Variants in ZNG1B observed in about 807,000 individuals in gnomAD.
The protein encoded by ZNG1B is Zn regulated GTPase metalloprotein activator 1B.
chr2:113,438,782 G>A, the ZNG1B span, among the ~76,000 whole-genome samples: 1 of 152,114 alleles, frequency 6.6e-6, no homozygotes, highest in Non-Finnish European at 1.5e-5. Flanking sequence ...ATATATGACT[G>A]TATTAGAAGT....
the ZNG1B span, among the ~76,000 whole-genome samples, chr2:113,478,155 AT>A: frequency 1.3e-5 from 2 of 152,234 alleles, no homozygotes; most frequent in Non-Finnish European, 2.9e-5. Context: ...ATAGAAGATC[AT>A]GAAAATGGAC....
At chr2:113,456,226 A>G in the ZNG1B span, among the ~76,000 whole-genome samples, 1 of 152,144 alleles carries the variant, frequency 6.6e-6, no homozygotes, top group African/African-American at 2.4e-5. Flanking sequence ...TTATGAATAT[A>G]ATTTAAGAAT....
the ZNG1B span, among the ~76,000 whole-genome samples, chr2:113,477,746 G>C: frequency 6.6e-6 from 1 of 152,176 alleles, no homozygotes; most frequent in East Asian, 1.9e-4. Context: ...ATAGGCATGA[G>C]GATGTGCAGC....
the ZNG1B span, among the ~76,000 whole-genome samples, chr2:113,475,003 G>C: frequency 6.9e-6 from 1 of 145,390 alleles, no homozygotes; most frequent in African/African-American, 2.6e-5. Context: ...TGTCTATTAG[G>C]TCTGCTTGGT....
At chr2:113,439,972 C>T in the ZNG1B span, among the ~76,000 whole-genome samples, 1 of 147,284 alleles carries the variant, frequency 6.8e-6, no homozygotes, top group East Asian at 2.0e-4. Flanking sequence ...GCAAGCTCCG[C>T]CTGCCGGGTT....
chr2:113,476,039 C>T, the ZNG1B span, among the ~76,000 whole-genome samples: 33 of 152,124 alleles, frequency 2.2e-4, no homozygotes, highest in East Asian at 6.0e-3. Context: ...GTTGGCCTGC[C>T]TTGCTAGATT....
At chr2:113,462,582 T>A in the ZNG1B span, 1 of 1,465,304 alleles carries the variant, frequency 6.8e-7, no homozygotes, top group African/African-American at 1.4e-5. Context: ...CTGTAGAAAC[T>A]TAAGGTATAA....
the ZNG1B span, among the ~76,000 whole-genome samples, chr2:113,463,665 T>C: frequency 6.6e-6 from 1 of 152,106 alleles, no homozygotes; most frequent in African/African-American, 2.4e-5. Context: ...TTTCTCATTG[T>C]CTTCTTAGGG....
chr2:113,488,253 C>A, the ZNG1B span, among the ~76,000 whole-genome samples: 2 of 152,220 alleles, frequency 1.3e-5, no homozygotes, highest in African/African-American at 4.8e-5. Flanking sequence ...GTGGCTGGAT[C>A]CAGAAGAGAG....
chr2:113,439,096 G>A, the ZNG1B span: 5 of 1,540,392 alleles, frequency 3.2e-6, no homozygotes, highest in Non-Finnish European at 4.4e-6. Flanking sequence ...TGCCGCTCGG[G>A]CCTTTCCCGT....
the ZNG1B span, among the ~76,000 whole-genome samples, chr2:113,459,817 G>C: frequency 0.019 from 2,809 of 144,566 alleles, 70 homozygotes; most frequent in African/African-American, 0.068. Context: ...ATTGAGGTTT[G>C]AGGTAATGAG....
At chr2:113,474,804 T>G in the ZNG1B span, among the ~76,000 whole-genome samples, 1 of 152,108 alleles carries the variant, frequency 6.6e-6, no homozygotes, top group African/African-American at 2.4e-5. Flanking sequence ...TGGTTTTGAG[T>G]GAGATTCTTA....
At chr2:113,464,510 T>G in the ZNG1B span, among the ~76,000 whole-genome samples, 1 of 145,922 alleles carries the variant, frequency 6.9e-6, no homozygotes, top group Non-Finnish European at 1.5e-5. Flanking sequence ...TGAAAAGAAT[T>G]TAACAGGTAC....
chr2:113,484,676 CGGAGTCTCGCTCCGGCT>C, the ZNG1B span, among the ~76,000 whole-genome samples: 1 of 151,312 alleles, frequency 6.6e-6, no homozygotes, highest in African/African-American at 2.4e-5. Flanking sequence ...TTTTTTGAGA[CGGAGTCTCGCTCCGGCT>C]GGAGTCTCAC....
the ZNG1B span, among the ~76,000 whole-genome samples, chr2:113,463,706 T>C: frequency 6.6e-6 from 1 of 151,858 alleles, no homozygotes; most frequent in African/African-American, 2.4e-5. Flanking sequence ...GCCTCCTCTG[T>C]AAAAGGCATA....
the ZNG1B span, among the ~76,000 whole-genome samples, chr2:113,446,772 GCA>G: frequency 0.14 from 19,875 of 143,074 alleles, 1,138 homozygotes; most frequent in Non-Finnish European, 0.17. Context: ...ACATGCACAC[GCA>G]CACACACACA....
chr2:113,477,248 A>C, the ZNG1B span, among the ~76,000 whole-genome samples: 1 of 152,256 alleles, frequency 6.6e-6, no homozygotes, highest in East Asian at 1.9e-4. Flanking sequence ...CCGTCGGAAA[A>C]GCGCAGTATT....
At chr2:113,461,230 T>TAA in the ZNG1B span, among the ~76,000 whole-genome samples, 1 of 148,576 alleles carries the variant, frequency 6.7e-6, no homozygotes, top group East Asian at 1.9e-4. Context: ...CATTTTTTTT[T>TAA]AAATTTTTTT....
chr2:113,469,540 A>G, the ZNG1B span: 1 of 147,472 alleles, frequency 6.8e-6, no homozygotes, highest in African/African-American at 2.5e-5. Flanking sequence ...ATATTCAAAA[A>G]TTTCTTCATA....
Sources: gnomAD v4.1 joint callset for allele counts (sites outside exome capture counted in the v4.1 genomes callset) on GRCh38, gnomAD v4.1.1 for gene constraint, MANE v1.5 for transcripts, NCBI Gene and HGNC (gene_info 2026-07-23, HGNC 2026-07-21) for gene names.